Variants in SGSM1 observed in about 807,000 individuals in gnomAD.
SGSM1 encodes the protein small G protein signaling modulator 1.
Under a neutral mutation model 133.8 loss-of-function variants are expected in SGSM1, and 73 were observed. The observed-to-expected ratio is 0.55, with a 90% CI of 0.45 to 0.66. The LOEUF (loss-of-function observed/expected upper bound fraction) is 0.66. SGSM1 is among the 30% of genes least tolerant of loss of function. The pLI, the probability that SGSM1 is intolerant of heterozygous loss-of-function variation, is 0.00. For synonymous variants in SGSM1, 563 were observed against 573.0 expected, an observed-to-expected ratio of 0.98 and a Z score of 0.25; for missense variants, 1,213 against 1,448.1, an observed-to-expected ratio of 0.84 and a Z score of 2.64.
intron 16 of SGSM1, among the ~76,000 whole-genome samples, chr22:24,893,081 GA>G (rs1442842817): frequency 8.0e-5 from 12 of 150,210 alleles, no homozygotes; most frequent in East Asian, 5.9e-4. Context: ...GAAGGAAGCG[GA>G]GGGGGGGGAG....
Position 24,850,304 on chromosome 22 carries a change from G to A in SGSM1, c.327G>A (p.Gln109=), listed in dbSNP as rs752309311. The change falls in exon 5 of 25, where the codon CAG becomes CAA. Residue 109 remains glutamine, a synonymous_variant. Coordinates refer to ENST00000400358, the MANE Select transcript of SGSM1 (RefSeq NM_001098497.3). ...GGAGAAACCAGATTCAAGGCCTCCA[G>A]GAGAATGTGCGGAAGCTGCCGAAGC... The part of the protein sequence containing the change: ...ESARNQIQGL[Q]ENVRKLPKLP... 8.7e-6 allele frequency: 14 copies of A among 1,608,004 alleles called. No homozygotes were observed. In the South Asian group the frequency reaches 1.6e-4, roughly 18 times the overall value.
intron 2 of SGSM1, among the ~76,000 whole-genome samples, chr22:24,814,779 A>G (rs1474315491): frequency 1.3e-5 from 2 of 152,246 alleles, no homozygotes; most frequent in Admixed American, 6.5e-5. Flanking sequence ...TGGAGGTGCT[A>G]CAGCCCCCAG....
rs1934214122 is a variant in SGSM1 at position 24,926,561 on chromosome 22, T to C, written c.*2287T>C. 6.6e-6 allele frequency: 1 copy of C among 152,208 alleles called. No homozygotes were observed. Among genetic ancestry groups the C allele is most frequent in the South Asian group, 2.1e-4 (1 of 4,828 alleles). The allele number at this position is 152,208 out of a possible 1,614,324, so 9.4% of individuals were successfully genotyped here. A position where few individuals can be genotyped will look rare whatever the true frequency, so the allele number is the denominator to read the frequency against. On this transcript the variant is annotated 3_prime_UTR_variant, in exon 25 of 25. Coordinates refer to ENST00000400358, the MANE Select transcript of SGSM1 (RefSeq NM_001098497.3). ...ATTCCTATTTATTTTTTTAACAGAC[T>C]AGTCTCAAAGTACAGCACAAAATCT...
intron 3 of SGSM1, among the ~76,000 whole-genome samples, chr22:24,845,248 C>G (rs965247133): frequency 1.3e-5 from 2 of 152,156 alleles, no homozygotes; most frequent in Non-Finnish European, 2.9e-5. Flanking sequence ...CACAGTCTTG[C>G]ATCTGAGGAA....
chr22:24,882,779 G>C (rs530183494), intron 14 of SGSM1, among the ~76,000 whole-genome samples: 1 of 150,886 alleles, frequency 6.6e-6, no homozygotes, highest in Non-Finnish European at 1.5e-5. Context: ...TCTGTGCCTC[G>C]CGTTTTTTTG....
intron 21 of SGSM1, among the ~76,000 whole-genome samples, chr22:24,911,323 C>T (rs1331555165): frequency 1.2e-4 from 15 of 129,946 alleles, no homozygotes; most frequent in Non-Finnish European, 2.3e-4. Context: ...TGGAGTTTCA[C>T]TCTTGTTGCC....
intron 17 of SGSM1, among the ~76,000 whole-genome samples, chr22:24,894,148 A>G (rs983332264): frequency 7.2e-5 from 11 of 152,204 alleles, no homozygotes; most frequent in Non-Finnish European, 1.3e-4. Flanking sequence ...TCACGCCTGT[A>G]ATCCCAGTAC....
At chr22:24,865,889 T>C (rs538359528) in intron 9 of SGSM1, among the ~76,000 whole-genome samples, 1 of 151,666 alleles carries the variant, frequency 6.6e-6, no homozygotes, top group East Asian at 1.9e-4. Flanking sequence ...GAGTTCCTTG[T>C]CTTGCAGGAA....
chr22:24,876,720 G>C lies in SGSM1; in HGVS notation c.1430+5G>C. 2 of 1,613,944 alleles carry C rather than the reference G, an allele frequency of 1.2e-6. No individual in the cohort carries two copies. Among genetic ancestry groups the C allele is most frequent in the Non-Finnish European group, 1.7e-6 (2 of 1,179,882 alleles). On this transcript the variant is annotated splice_donor_5th_base_variant and intron_variant, in intron 13 of 24. Transcript: ENST00000400358. ...CAATGGCTGCAACCATGAGAGGTAT[G>C]AGGGGCTTGAGCTGCAGATGGAGAG...
chr22:24,817,908 G>A (rs563121359), intron 2 of SGSM1, among the ~76,000 whole-genome samples: 1 of 152,272 alleles, frequency 6.6e-6, no homozygotes, highest in South Asian at 2.1e-4. Flanking sequence ...CAGAAAGGGG[G>A]TGAGAGGTCT....
In SGSM1 at chr22:24,868,388, G is replaced by C. The variant is rs756637869; in HGVS notation, c.1007G>C (p.Gly336Ala). The stretch of plus-strand genomic sequence containing the variant: ...GTGGTGGCGGCAGTTGACAGCGGCG[G>C]GACAGTGGTATTGGTCAGCCAGGAC... ...LHCHQQVDSG[G>A]TVVLVSQDGI... Residue 336 changes from glycine to alanine, a missense_variant, in exon 11 of 25, where the codon GGG becomes GCG. Coordinates refer to ENST00000400358, the MANE Select transcript of SGSM1 (RefSeq NM_001098497.3). 1 of 1,610,698 alleles carries C rather than the reference G, an allele frequency of 6.2e-7. No individual in the cohort carries two copies. The highest frequency in any genetic ancestry group is 8.5e-7 in the Non-Finnish European group (1 of 1,177,548).
intron 8 of SGSM1, among the ~76,000 whole-genome samples, chr22:24,859,266 G>A (rs570318642): frequency 6.6e-6 from 1 of 152,216 alleles, no homozygotes; most frequent in Non-Finnish European, 1.5e-5. Context: ...GTGTAGGGGG[G>A]GTTTTTGGGA....
At chr22:24,879,388 G>T in intron 13 of SGSM1, 74 bp from the exon 14 acceptor site, 23 of 1,432,896 alleles carry the variant, frequency 1.6e-5, no homozygotes, top group Non-Finnish European at 2.1e-5. Context: ...GAGATAGCAC[G>T]TGGTTATCCT....
intron 4 of SGSM1, 91 bp from the exon 5 acceptor site, chr22:24,850,189 C>T (rs1444284644): frequency 1.5e-6 from 2 of 1,312,366 alleles, no homozygotes; most frequent in Non-Finnish European, 2.1e-6. Context: ...CTTCATTTTC[C>T]TGAGAGATTG....
At chr22:24,821,755 A>G (rs975541584) in intron 2 of SGSM1, among the ~76,000 whole-genome samples, 1 of 152,176 alleles carries the variant, frequency 6.6e-6, no homozygotes, top group African/African-American at 2.4e-5. Context: ...TCTGTATTTA[A>G]GACTTATTAA....
Position 24,901,898 on chromosome 22 carries a change from C to A in SGSM1, c.2676C>A (p.Asp892Glu). Residue 892 changes from aspartate (D) to glutamate (E), a missense_variant, in exon 20 of 25, where the codon GAC (aspartate) becomes GAA (glutamate). Physicochemically the swap from Asp to Glu is conservative, Grantham distance 45. Transcript: ENST00000400358. ...HRIEKDVQRC[D>E]RNYWYFTPAN... ...TCGAGAAGGATGTGCAGAGGTGCGA[C>A]CGCAACTACTGGTACTTCACGCCCG... is the stretch of plus-strand genomic sequence containing the variant. The A allele has an allele frequency of 6.2e-7, 1 of 1,608,480 alleles. No homozygotes were observed. Among genetic ancestry groups the A allele is most frequent in the East Asian group, 2.2e-5 (1 of 44,622 alleles).
chr22:24,880,177 C>T (rs1404926487), intron 14 of SGSM1, among the ~76,000 whole-genome samples: 2 of 152,012 alleles, frequency 1.3e-5, no homozygotes, highest in Non-Finnish European at 2.9e-5. Context: ...CTCTGTCACC[C>T]AGGCTGGAGT....
Position 24,898,446 on chromosome 22 carries a change from A to C in SGSM1, c.2497A>C (p.Asn833His), listed in dbSNP as rs775314441. ...EKHGQADSED[N>H]LSEEPEMESL... ...ACATGGCCAGGCGGACAGTGAGGAC[A>C]ACCTCTCGGAGGAGCCTGAGATGGA... Residue 833 changes from asparagine to histidine, a missense_variant, in exon 19 of 25, where the codon AAC (asparagine) becomes CAC (histidine). Coordinates refer to ENST00000400358, the MANE Select transcript of SGSM1 (RefSeq NM_001098497.3). 6.2e-7 allele frequency: 1 copy of C among 1,613,782 alleles called. No individual in the cohort carries two copies. The highest frequency in any genetic ancestry group is 1.1e-5 in the South Asian group (1 of 91,058).
At chr22:24,874,340 C>T (rs1931915618) in intron 12 of SGSM1, 1 of 1,474,850 alleles carries the variant, frequency 6.8e-7, no homozygotes, top group South Asian at 1.4e-5. Flanking sequence ...CAGAAACTGG[C>T]TCTTCCAGCT....
Sources: gnomAD v4.1 joint callset for allele counts (sites outside exome capture counted in the v4.1 genomes callset) on GRCh38, gnomAD v4.1.1 for gene constraint, MANE v1.5 for transcripts, NCBI Gene and HGNC (gene_info 2026-07-23, HGNC 2026-07-21) for gene names.